EMSY: variants seen among roughly 807,000 people sequenced by gnomAD.
EMSY encodes BRCA2-interacting transcriptional repressor EMSY.
EMSY carries 26 observed loss-of-function variants against 134.6 expected under a neutral mutation model. That is an observed-to-expected ratio of 0.19 (90% confidence interval 0.14 to 0.27). The LOEUF (loss-of-function observed/expected upper bound fraction) is 0.27, where lower values mean the gene tolerates loss of function less well. Ranked by LOEUF, EMSY falls within the 10% of genes least tolerant of loss-of-function variation. The pLI, the probability that EMSY is intolerant of heterozygous loss-of-function variation, is 1.00. For synonymous variants in EMSY, 579 were observed against 577.8 expected (o/e 1.00, Z -0.03); for missense variants, 1,305 against 1,611.4 (o/e 0.81, Z 3.26).
chr11:76,523,445 CTGA>C (rs1457875205), intron 12 of EMSY, among the ~76,000 whole-genome samples, 154 bp downstream of exon 13: 1 of 152,238 alleles, frequency 6.6e-6, no homozygotes, highest in East Asian at 1.9e-4. Flanking sequence ...GCACCACCAA[CTGA>C]TGCCATTTTT....
intron 7 of EMSY, among the ~76,000 whole-genome samples, chr11:76,470,620 C>T (rs1436726071): frequency 6.6e-6 from 1 of 152,124 alleles, no homozygotes; most frequent in African/African-American, 2.4e-5. Flanking sequence ...TCTGCTTGGT[C>T]TGATGCAATA....
intron 20 of EMSY, among the ~76,000 whole-genome samples, chr11:76,548,221 G>A (rs998699701): frequency 1.3e-5 from 2 of 152,126 alleles, no homozygotes; most frequent in Non-Finnish European, 2.9e-5. Context: ...GGTCTTATTA[G>A]TTATGTTTAG....
chr11:76,469,472 A>C (rs1948489934), intron 7 of EMSY, among the ~76,000 whole-genome samples: 1 of 152,156 alleles, frequency 6.6e-6, no homozygotes, highest in Non-Finnish European at 1.5e-5. Context: ...AAAATAAGAG[A>C]AGTTTTAAGT....
At chr11:76,544,422 C>T (rs138035598) in exon 19 of EMSY, 256 of 1,614,036 alleles carry the variant, frequency 1.6e-4, no homozygotes, top group Admixed American at 6.5e-4. Context: ...AGCCAGCCCC[C>T]GCTGGAACAG....
chr11:76,539,536 C>G, intron 16 of EMSY, 63 bp from the exon 18 acceptor site: 1 of 1,533,440 alleles, frequency 6.5e-7, no homozygotes, highest in East Asian at 2.3e-5. Flanking sequence ...TGGGGGTAGA[C>G]TAGATTCTTG....
chr11:76,486,409 G>A (rs1235452172), intron 8 of EMSY, among the ~76,000 whole-genome samples: 2 of 152,144 alleles, frequency 1.3e-5, no homozygotes, highest in African/African-American at 2.4e-5. Context: ...ATAAAAAAAT[G>A]CTTTCTTGAA....
chr11:76,463,981 C>T (rs779705558), exon 7 of EMSY: 1 of 1,614,206 alleles, frequency 6.2e-7, no homozygotes, highest in Admixed American at 1.7e-5. Context: ...TGAGCAACAT[C>T]ATGCAGAGCA....
chr11:76,446,611 C>T (rs1947423107), intron 1 of EMSY, among the ~76,000 whole-genome samples: 1 of 151,976 alleles, frequency 6.6e-6, no homozygotes, highest in East Asian at 1.9e-4. Flanking sequence ...GTGGTATTAC[C>T]TCTGTTTTAT....
At chr11:76,525,021 A>AC (rs976729585) in intron 12 of EMSY, among the ~76,000 whole-genome samples, 1 of 151,992 alleles carries the variant, frequency 6.6e-6, no homozygotes, top group Non-Finnish European at 1.5e-5. Flanking sequence ...TGCCACTGCC[A>AC]CCCCCGCCAA....
chr11:76,498,606 CT>C (rs1017846816), intron 9 of EMSY, among the ~76,000 whole-genome samples: 1 of 143,022 alleles, frequency 7.0e-6, no homozygotes, highest in African/African-American at 2.5e-5. Flanking sequence ...AATTAATTCT[CT>C]ATTTTTTTTA....
chr11:76,502,382 T>TA (rs201745500), intron 9 of EMSY, among the ~76,000 whole-genome samples: 13 of 133,088 alleles, frequency 9.8e-5, no homozygotes, highest in Admixed American at 5.5e-4. Context: ...TATTTTTTTT[T>TA]AAAAAAAGCA....
exon 14 of EMSY, chr11:76,528,371 A>T: frequency 6.2e-7 from 1 of 1,612,904 alleles, no homozygotes; most frequent in Non-Finnish European, 8.5e-7. Context: ...AGGGTAGCAG[A>T]GGCTGGTAAT....
intron 6 of EMSY, among the ~76,000 whole-genome samples, chr11:76,462,899 C>G (rs1452909062): frequency 6.6e-6 from 1 of 152,172 alleles, no homozygotes; most frequent in Non-Finnish European, 1.5e-5. Flanking sequence ...TGAAATTTTG[C>G]AACTAGTAGT....
At chr11:76,529,067 CTT>C (rs553325457) in intron 14 of EMSY, among the ~76,000 whole-genome samples, 176 of 152,268 alleles carry the variant, frequency 1.2e-3, no homozygotes, top group African/African-American at 4.2e-3. Flanking sequence ...GCAGAAAACT[CTT>C]TGTCCTCGGT....
chr11:76,491,393 G>A (rs1173825758), intron 8 of EMSY, among the ~76,000 whole-genome samples: 1 of 151,856 alleles, frequency 6.6e-6, no homozygotes, highest in Non-Finnish European at 1.5e-5. Context: ...TGTTGACCAG[G>A]GTGCTCTTGA....
intron 13 of EMSY, 115 bp from the exon 15 acceptor site, chr11:76,528,153 A>G (rs1950909921): frequency 1.1e-6 from 1 of 874,734 alleles, no homozygotes; most frequent in Non-Finnish European, 1.8e-6. Flanking sequence ...CCTAAAAAGT[A>G]TAACGTACAG....
intron 9 of EMSY, among the ~76,000 whole-genome samples, chr11:76,502,540 CAAAA>C (rs563222731): frequency 2.0e-4 from 28 of 137,650 alleles, no homozygotes; most frequent in Non-Finnish European, 3.6e-4. Flanking sequence ...TAAAAAAAAA[CAAAA>C]AACAAAAAAA....
intron 7 of EMSY, among the ~76,000 whole-genome samples, chr11:76,464,823 T>C (rs981241735): frequency 3.9e-5 from 6 of 152,230 alleles, no homozygotes; most frequent in African/African-American, 1.4e-4. Context: ...TGCAAATTTC[T>C]TTATTCTACC....
chr11:76,492,060 C>A lies in EMSY; in HGVS notation c.1109-4155C>A, dbSNP rs980264316. ...TTCCATGGATACCAAATAGTTTCCCCAGGATCTAGCATAAAGTATGTACTC... is the reference window on the plus strand; with the variant it reads ...TTCCATGGATACCAAATAGTTTCCCAAGGATCTAGCATAAAGTATGTACTC... On this transcript the variant is annotated intron_variant, in intron 8 of 20. Coordinates refer to ENST00000334736, the Ensembl canonical transcript of EMSY. Among the ~76,000 whole-genome samples the A allele has an allele frequency of 3.3e-5, 5 of 152,294 alleles. No homozygotes were observed. The Middle Eastern group carries it at 0.01, about 311-fold the overall frequency.
Sources: allele counts gnomAD v4.1 joint callset (sites outside exome capture counted in the v4.1 genomes callset), GRCh38; gene constraint gnomAD v4.1.1; transcripts MANE v1.5; gene names NCBI Gene and HGNC (gene_info 2026-07-23, HGNC 2026-07-21).